The following PARD3 variants were observed in gnomAD, a reference collection of about 807,000 sequenced individuals.
PARD3 encodes the protein partitioning defective 3 homolog.
In PARD3, 75 loss-of-function variants were observed where a neutral mutation model predicts 155.4. That is an observed-to-expected ratio of 0.48 (90% confidence interval 0.40 to 0.58). PARD3 has a LOEUF of 0.58. Among genes scored for constraint, PARD3 ranks in the 20% least tolerant of loss-of-function variants. The pLI, the probability that PARD3 is intolerant of heterozygous loss-of-function variation, is 0.00. For missense variants in PARD3, 1,642 were observed against 1,721.7 expected (o/e 0.95, Z 0.82); for synonymous variants, 576 against 610.5 (o/e 0.94, Z 0.83).
At chr10:34,580,933 T>C (rs1489775714) in intron 2 of PARD3, among the ~76,000 whole-genome samples, 1 of 152,218 alleles carries the variant, frequency 6.6e-6, no homozygotes, top group Admixed American at 6.5e-5. Flanking sequence ...TTGTCTGACT[T>C]ACATGGTCTA....
chr10:34,740,136 G>A (rs2094983078), intron 1 of PARD3, among the ~76,000 whole-genome samples: 1 of 152,174 alleles, frequency 6.6e-6, no homozygotes, highest in South Asian at 2.1e-4. Flanking sequence ...GAGAAAGGGA[G>A]GAAACCTGAA....
At position 34,749,090 on chromosome 10, in the gene PARD3, T is replaced by G. The variant is rs551381610; in HGVS notation, c.121-52671A>C. ...ATTTGTCCATTATGTACTTTCCAAA[T>G]TCTAGTCCTATTCTCTTACTTCACC... On this transcript the variant is annotated intron_variant, in intron 1 of 24. Coordinates refer to ENST00000374788, the MANE Select transcript of PARD3 (RefSeq NM_001184785.2). Among the ~76,000 whole-genome samples the G allele has an allele frequency of 2.6e-5, 4 of 152,364 alleles. No individual in the cohort carries two copies. In the South Asian group the frequency reaches 8.3e-4, roughly 32 times the overall value.
rs535690256 is a variant in PARD3, at chr10:34,585,844, C to T, written c.223-68685G>A. Among the ~76,000 whole-genome samples the T allele has an allele frequency of 8.5e-5, 13 of 152,262 alleles. No homozygotes were observed. In the South Asian group the frequency reaches 2.5e-3, roughly 29 times the overall value. On this transcript the variant is annotated intron_variant, in intron 2 of 24. Transcript: ENST00000374788. ...AACATAAACTATCTCTAGAAGAACACACACAACAGACACACCCACTAACAA... is the reference window on the plus strand; with the variant it reads ...AACATAAACTATCTCTAGAAGAACATACACAACAGACACACCCACTAACAA...
chr10:34,142,625 AAG>A (rs1202938163), intron 22 of PARD3, among the ~76,000 whole-genome samples: 1 of 148,934 alleles, frequency 6.7e-6, no homozygotes, highest in African/African-American at 2.6e-5. Flanking sequence ...AGACGGATGG[AAG>A]GAAGAAAGGA....
intron 23 of PARD3, among the ~76,000 whole-genome samples, chr10:34,126,442 T>C (rs897274016): frequency 6.6e-6 from 1 of 152,242 alleles, no homozygotes; most frequent in Non-Finnish European, 1.5e-5. Flanking sequence ...TGGGCATTTC[T>C]AACAAGCATG....
intron 1 of PARD3, among the ~76,000 whole-genome samples, chr10:34,771,112 C>T (rs1159702516): frequency 6.6e-6 from 1 of 152,320 alleles, no homozygotes; most frequent in East Asian, 1.9e-4. Context: ...TGAAAACATG[C>T]AAGCCCTGTG....
At chr10:34,359,991 G>C in intron 13 of PARD3, 80 bp downstream of exon 13, 2 of 1,058,778 alleles carry the variant, frequency 1.9e-6, no homozygotes, top group Non-Finnish European at 2.9e-6. Context: ...TCTGTTAACT[G>C]TATATGTTTC....
chr10:34,807,850 G>A (rs1316393075), intron 1 of PARD3, among the ~76,000 whole-genome samples: 1 of 151,846 alleles, frequency 6.6e-6, no homozygotes, highest in Non-Finnish European at 1.5e-5. Context: ...ATGAGTTGAT[G>A]GAGAAAAAAG....
rs138846054 is a variant in PARD3 at position 34,435,264 on chromosome 10, A to G, written c.714+15053T>C. ...TAATTGCAGATGGCAACACTTCATC[A>G]TCTCAACTTCTTAAACATCAGAAAG... On this transcript the variant is annotated intron_variant, in intron 5 of 24. Coordinates refer to ENST00000374788, the MANE Select transcript of PARD3 (RefSeq NM_001184785.2). Among the ~76,000 whole-genome samples the G allele has an allele frequency of 7.2e-3, 1,097 of 152,308 alleles. 12 individuals carry two copies. Among genetic ancestry groups the G allele is most frequent in the African/African-American group, 0.024 (999 of 41,572 alleles).
At position 34,371,533 on chromosome 10, in the gene PARD3, CA is replaced by C. The variant is rs1414270436; in HGVS notation, c.1707+964del. 5.1e-4 allele frequency among the ~76,000 whole-genome samples: 34 copies of C among 66,076 alleles called. 6 individuals carry two copies. Among genetic ancestry groups the C allele is most frequent in the African/African-American group, 2.4e-3 (32 of 13,240 alleles). 43.3% of individuals were successfully genotyped at this position (66,076 alleles called of 152,430 possible). A position where few individuals can be genotyped will look rare whatever the true frequency, so the allele number is the denominator to read the frequency against. On this transcript the variant is annotated intron_variant, in intron 12 of 24. Coordinates refer to ENST00000374788, the MANE Select transcript of PARD3 (RefSeq NM_001184785.2). ...AAAAAAAAAAAAAAAAAAAAAAAAA[CA>C]ACGAAGGAATATTTGAAAAATAACA... is the stretch of plus-strand genomic sequence containing the variant.
At chr10:34,258,426 G>A (rs1376033547) in intron 22 of PARD3, among the ~76,000 whole-genome samples, 1 of 152,182 alleles carries the variant, frequency 6.6e-6, no homozygotes, top group East Asian at 1.9e-4. Context: ...GAAAGGCTCT[G>A]GCTTGAGATG....
chr10:34,237,107 G>A (rs1450189941), intron 22 of PARD3, among the ~76,000 whole-genome samples: 2 of 152,194 alleles, frequency 1.3e-5, no homozygotes, highest in Non-Finnish European at 1.5e-5. Context: ...TTGTGAGAAT[G>A]AGCATGTGTC....
chr10:34,293,060 CA>C (rs139783664), intron 20 of PARD3, among the ~76,000 whole-genome samples: 13,452 of 151,976 alleles, frequency 0.089, 1,301 homozygotes, highest in African/African-American at 0.24. Context: ...AAAAATCAAA[CA>C]AATAAACAAA....
At chr10:34,116,869 G>A (rs577874372) in intron 24 of PARD3, among the ~76,000 whole-genome samples, 50 of 152,306 alleles carry the variant, frequency 3.3e-4, no homozygotes, top group Middle Eastern at 3.4e-3. Flanking sequence ...CCTCCTCTGC[G>A]TGTAAATATA....
Position 34,639,384 on chromosome 10 carries a change from T to TA in PARD3, c.222+56933dup, listed in dbSNP as rs75063805. Among the ~76,000 whole-genome samples the TA allele has an allele frequency of 6.3e-3, 911 of 145,718 alleles. 20 individuals are homozygous for TA. The highest frequency in any genetic ancestry group is 0.059 in the East Asian group (297 of 4,992). On this transcript the variant is annotated intron_variant, in intron 2 of 24. Coordinates refer to ENST00000374788, the MANE Select transcript of PARD3 (RefSeq NM_001184785.2). ...TGTCTCAAAAAAATAAAAATAAAAG[T>TA]AAAAAAAAAATAAAATACATAGGAA...
At chr10:34,633,169 G>A (rs185741093) in intron 2 of PARD3, among the ~76,000 whole-genome samples, 79 of 152,124 alleles carry the variant, frequency 5.2e-4, no homozygotes, top group Admixed American at 9.2e-4. Flanking sequence ...CATTTTTTAT[G>A]ATGAGAACAT....
At chr10:34,696,472 G>T in intron 1 of PARD3, 53 bp from the exon 2 acceptor site, 1 of 1,085,244 alleles carries the variant, frequency 9.2e-7, no homozygotes. Context: ...CACCAAAAGG[G>T]AATTAGACAT....
intron 2 of PARD3, among the ~76,000 whole-genome samples, chr10:34,557,972 CA>C (rs1261794689): frequency 6.7e-6 from 1 of 150,242 alleles, no homozygotes; most frequent in East Asian, 2.0e-4. Flanking sequence ...GAAAAAAGTA[CA>C]AAAGGTATCA....
intron 1 of PARD3, among the ~76,000 whole-genome samples, chr10:34,739,409 G>A (rs2094969065): frequency 6.6e-6 from 1 of 152,196 alleles, no homozygotes; most frequent in Non-Finnish European, 1.5e-5. Flanking sequence ...AAGAAATGAG[G>A]AAGGGATCAA....
Sources: allele counts gnomAD v4.1 joint callset (sites outside exome capture counted in the v4.1 genomes callset), GRCh38; gene constraint gnomAD v4.1.1; transcripts MANE v1.5; gene names NCBI Gene and HGNC (gene_info 2026-07-23, HGNC 2026-07-21).